The following DDX46 variants were observed in gnomAD, a reference collection of about 807,000 sequenced individuals.
The protein encoded by DDX46 is DEAD-box helicase 46.
Under a neutral mutation model 134.9 loss-of-function variants are expected in DDX46, and 30 were observed. The ratio of observed to expected loss-of-function variants is 0.22; its 90% CI spans 0.17 to 0.30. DDX46 has a LOEUF of 0.30. DDX46 is among the 10% of genes least tolerant of loss of function. DDX46 has a pLI of 1.00. For missense variants in DDX46, 622 were observed against 1,248.7 expected, an observed-to-expected ratio of 0.50 and a Z score of 7.56; for synonymous variants, 415 against 404.1, an observed-to-expected ratio of 1.03 and a Z score of -0.32.
intron 16 of DDX46, among the ~76,000 whole-genome samples, chr5:134,809,031 T>A (rs1010254123): frequency 3.9e-5 from 6 of 152,212 alleles, no homozygotes; most frequent in Non-Finnish European, 2.9e-5. Flanking sequence ...AACTTTCCTT[T>A]GAGGTAAATA....
At chr5:134,793,571 A>G (rs2150147627) in intron 13 of DDX46, among the ~76,000 whole-genome samples, 1 of 151,860 alleles carries the variant, frequency 6.6e-6, no homozygotes, top group East Asian at 1.9e-4. Context: ...TGCCTGGCTA[A>G]TTTTTGTATT....
At chr5:134,777,466 G>T in intron 5 of DDX46, 108 bp from the exon 6 acceptor site, 1 of 1,224,440 alleles carries the variant, frequency 8.2e-7, no homozygotes, top group Non-Finnish European at 1.1e-6. Context: ...ATTGGAAAAG[G>T]GGTGTTTGGG....
chr5:134,828,796 T>A lies in DDX46; in HGVS notation c.*90T>A. 1 of 1,006,966 alleles carries A rather than the reference T, an allele frequency of 9.9e-7. No homozygotes were observed. Among genetic ancestry groups the A allele is most frequent in the Non-Finnish European group, 1.3e-6 (1 of 741,504 alleles). The allele number at this position is 1,006,966 out of a possible 1,614,324, so 62.4% of individuals were successfully genotyped here. A position where few individuals can be genotyped will look rare whatever the true frequency, so the allele number is the denominator to read the frequency against. On this transcript the variant is annotated 3_prime_UTR_variant, in exon 23 of 23. Transcript: ENST00000452510. Reference sequence around the variant, plus strand: ...TTTACAATGTATTGTAAATGAAGATTTTTTAAATTCTATCTTGCTGATTTT... The same window carrying A: ...TTTACAATGTATTGTAAATGAAGATATTTTAAATTCTATCTTGCTGATTTT...
rs748924841 is a variant in DDX46, at chr5:134,767,003, G to A, written c.293G>A (p.Arg98Gln). Residue 98 changes from arginine to glutamine, a missense_variant, in exon 3 of 23, where the codon CGG becomes CAG. Coordinates refer to ENST00000452510, the MANE Select transcript of DDX46 (RefSeq NM_001300860.2). Reference sequence around the variant, plus strand: ...AGGAGACGCTCAAGGAGTAGAAGCCGGGGCCGGCGATCCCGATCCTCCAGT... The same window carrying A: ...AGGAGACGCTCAAGGAGTAGAAGCCAGGGCCGGCGATCCCGATCCTCCAGT... ...RDRRRSRSRS[R>Q]GRRSRSSSPG... is the part of the protein sequence containing the mutation. 5 of 1,614,100 alleles carry A rather than the reference G, an allele frequency of 3.1e-6. No homozygotes were observed. The highest frequency in any genetic ancestry group is 1.3e-5 in the African/African-American group (1 of 75,068).
At chr5:134,792,431 G>A (rs1020505363) in intron 13 of DDX46, among the ~76,000 whole-genome samples, 3 of 152,140 alleles carry the variant, frequency 2.0e-5, no homozygotes, top group African/African-American at 7.2e-5. Flanking sequence ...CGGATATACT[G>A]AATATCTGTT....
At chr5:134,760,874 C>T (rs1383295515) in intron 1 of DDX46, among the ~76,000 whole-genome samples, 1 of 152,156 alleles carries the variant, frequency 6.6e-6, no homozygotes, top group East Asian at 1.9e-4. Flanking sequence ...GAACTACAGG[C>T]GCCTGCCACC....
intron 6 of DDX46, among the ~76,000 whole-genome samples, chr5:134,780,030 A>G (rs1754083671): frequency 6.6e-6 from 1 of 151,448 alleles, no homozygotes; most frequent in Non-Finnish European, 1.5e-5. Context: ...ACTGGGAGCA[A>G]TTAGCCTAGA....
intron 11 of DDX46, 30 bp downstream of exon 11, chr5:134,785,616 C>A: frequency 6.4e-7 from 1 of 1,568,730 alleles, no homozygotes; most frequent in South Asian, 1.2e-5. Context: ...TCATGTTTTC[C>A]ATTCTTTTCT....
At chr5:134,827,648 C>T (rs1360747699) in intron 22 of DDX46, among the ~76,000 whole-genome samples, 1 of 152,150 alleles carries the variant, frequency 6.6e-6, no homozygotes, top group Non-Finnish European at 1.5e-5. Flanking sequence ...CATGCGTTTG[C>T]ACCTTTTGCA....
chr5:134,773,569 A>G (rs1753840848), intron 4 of DDX46, 127 bp from the exon 5 acceptor site: 2 of 1,006,862 alleles, frequency 2.0e-6, no homozygotes, highest in Non-Finnish European at 1.4e-6. Flanking sequence ...AGGGGTTTGT[A>G]TATATGCCTT....
At chr5:134,822,566 C>T (rs1755485817) in intron 21 of DDX46, among the ~76,000 whole-genome samples, 1 of 152,010 alleles carries the variant, frequency 6.6e-6, no homozygotes, top group Non-Finnish European at 1.5e-5. Flanking sequence ...TCTTGAACTC[C>T]TGGCTTCTCT....
At chr5:134,808,264 C>T (rs948136442) in intron 16 of DDX46, among the ~76,000 whole-genome samples, 2 of 152,116 alleles carry the variant, frequency 1.3e-5, no homozygotes, top group Non-Finnish European at 2.9e-5. Flanking sequence ...ATAAACCCAT[C>T]GTAAGTTGAA....
chr5:134,760,477 G>C (rs1580764716), intron 1 of DDX46, among the ~76,000 whole-genome samples: 1 of 152,194 alleles, frequency 6.6e-6, no homozygotes, highest in East Asian at 1.9e-4. Context: ...GTGGATTGTA[G>C]ATTTTGAAGA....
At chr5:134,766,754 A>T (rs1054234330) in intron 2 of DDX46, among the ~76,000 whole-genome samples, 163 bp from the exon 3 acceptor site, 13 of 152,088 alleles carry the variant, frequency 8.5e-5, no homozygotes, top group Non-Finnish European at 1.5e-5. Context: ...TAGTATTCTC[A>T]TTTTTTTCGT....
chr5:134,830,700 A>G lies in DDX46; in HGVS notation c.*1994A>G, dbSNP rs917183404. ...TTAATTTCTTGAAGGAAGAAAACAG[A>G]CAAAAGACATGTAACAACAGAAACA... On this transcript the variant is annotated 3_prime_UTR_variant, in exon 23 of 23. Transcript: ENST00000452510. 19 of 152,684 alleles carry G rather than the reference A, an allele frequency of 1.2e-4. No individual in the cohort carries two copies. The highest frequency in any genetic ancestry group is 1.1e-3 in the Admixed American group (17 of 15,288). The allele number at this position is 152,684 out of a possible 1,614,324, so 9.5% of individuals were successfully genotyped here.
intron 15 of DDX46, chr5:134,804,763 A>T (rs1026187581): frequency 1.3e-4 from 42 of 313,534 alleles, no homozygotes; most frequent in South Asian, 1.0e-3. Flanking sequence ...TTTATTCAAA[A>T]ATAATTTTTA....
chr5:134,777,526 C>T, intron 5 of DDX46, 48 bp from the exon 6 acceptor site: 1 of 1,603,934 alleles, frequency 6.2e-7, no homozygotes, highest in African/African-American at 1.3e-5. Context: ...TTGTGAAATA[C>T]TGCATTTTTA....
At chr5:134,776,939 G>A (rs368675641) in intron 5 of DDX46, among the ~76,000 whole-genome samples, 1,901 of 147,872 alleles carry the variant, frequency 0.013, 37 homozygotes, top group African/African-American at 0.042. Flanking sequence ...AAGGCCAGGC[G>A]TGGTGGCTCA....
chr5:134,767,824 C>T (rs913607528), intron 3 of DDX46, among the ~76,000 whole-genome samples: 9 of 151,630 alleles, frequency 5.9e-5, no homozygotes, highest in Admixed American at 3.9e-4. Context: ...GTGGCGTATG[C>T]CTGTAATCCC....
Sources: gnomAD v4.1 joint callset for allele counts (sites outside exome capture counted in the v4.1 genomes callset) on GRCh38, gnomAD v4.1.1 for gene constraint, MANE v1.5 for transcripts, NCBI Gene and HGNC (gene_info 2026-07-23, HGNC 2026-07-21) for gene names.